PIAS2: variants seen among roughly 807,000 people sequenced by gnomAD.
The protein encoded by PIAS2 is E3 SUMO-protein ligase PIAS2.
Under a neutral mutation model 69.7 loss-of-function variants are expected in PIAS2, and 19 were observed. That is an observed-to-expected ratio of 0.27 (90% CI 0.19 to 0.40). The LOEUF is 0.40. Ranked by LOEUF, PIAS2 falls within the 10% of genes least tolerant of loss-of-function variation. The pLI is 1.00. For missense variants in PIAS2, 624 were observed against 757.0 expected (o/e 0.82, Z 2.06); for synonymous variants, 261 against 263.2 (o/e 0.99, Z 0.08).
Position 46,897,860 on chromosome 18 carries a change from G to A in PIAS2, c.25-6806C>T, listed in dbSNP as rs79595846. On this transcript the variant is annotated intron_variant, in intron 1 of 13. Transcript: ENST00000585916. ...ATTCTAAAAATTCTAGATAATACAA[G>A]GCAATATAATTTTTGGGTTTTTTTT... 3.7e-4 allele frequency among the ~76,000 whole-genome samples: 56 copies of A among 151,758 alleles called. No individual in the cohort carries two copies. In the East Asian group the frequency reaches 9.1e-3, roughly 25 times the overall value.
Position 46,844,098 on chromosome 18 carries a change from T to C in PIAS2, c.997A>G (p.Ser333Gly). The C allele has an allele frequency of 1.3e-6, 2 of 1,531,276 alleles. No individual in the cohort carries two copies. The highest frequency in any genetic ancestry group is 1.8e-6 in the Non-Finnish European group (2 of 1,139,522). The allele number at this position is 1,531,276 out of a possible 1,614,324, so 94.9% of individuals were successfully genotyped here. Residue 333 changes from serine (S) to glycine (G), a missense_variant, in exon 8 of 14, where the codon AGT (serine) becomes GGT (glycine). Ser to Gly is a moderately conservative substitution (Grantham distance 56, BLOSUM62 0). Around this residue, in one of 3 missense-constraint regions of PIAS2, gnomAD observed 339 missense variants for 408.8 expected, o/e 0.83. Coordinates refer to ENST00000585916, the MANE Select transcript of PIAS2 (RefSeq NM_004671.5). Reference sequence around the variant, plus strand: ...CGAAGGCTAGTTGTAGCAATTTCACTATCAGGATCTGCAGTAAGTTTTTCT... The same window carrying C: ...CGAAGGCTAGTTGTAGCAATTTCACCATCAGGATCTGCAGTAAGTTTTTCT... ...IKEKLTADPDSEIATTSLRVS... is the reference protein window; with the variant it reads ...IKEKLTADPDGEIATTSLRVS...
intron 1 of PIAS2, among the ~76,000 whole-genome samples, chr18:46,911,969 T>G (rs2057315082): frequency 6.6e-6 from 1 of 152,122 alleles, no homozygotes; most frequent in African/African-American, 2.4e-5. Context: ...GAGAATCGCT[T>G]GAACCCAGGA....
chr18:46,910,110 C>A (rs113187189), intron 1 of PIAS2, among the ~76,000 whole-genome samples: 1 of 151,982 alleles, frequency 6.6e-6, no homozygotes, highest in Non-Finnish European at 1.5e-5. Flanking sequence ...GAGTCAAGAT[C>A]GCGCCACTGC....
At chr18:46,914,197 A>C (rs1413081383) in intron 1 of PIAS2, among the ~76,000 whole-genome samples, 1 of 152,192 alleles carries the variant, frequency 6.6e-6, no homozygotes, top group African/African-American at 2.4e-5. Context: ...CATTATTGTA[A>C]CCATCTTTGA....
At chr18:46,857,272 A>G (rs141297906) in intron 3 of PIAS2, among the ~76,000 whole-genome samples, 1 of 152,354 alleles carries the variant, frequency 6.6e-6, no homozygotes, top group African/African-American at 2.4e-5. Flanking sequence ...TGGAGCTTCA[A>G]AGACAAATAC....
chr18:46,832,444 A>C (rs984830462), intron 9 of PIAS2, among the ~76,000 whole-genome samples: 30 of 151,942 alleles, frequency 2.0e-4, no homozygotes, highest in South Asian at 4.2e-4. Flanking sequence ...AACAAACAAA[A>C]AAAAGTGGGC....
chr18:46,917,575 G>C, upstream of PIAS2: 1 of 1,079,972 alleles, frequency 9.3e-7, no homozygotes, highest in Non-Finnish European at 1.1e-6. Flanking sequence ...CTGCCCACCC[G>C]CGCGACCGCC....
intron 1 of PIAS2, among the ~76,000 whole-genome samples, chr18:46,904,527 G>A (rs932243571): frequency 1.3e-5 from 2 of 152,120 alleles, no homozygotes; most frequent in African/African-American, 2.4e-5. Flanking sequence ...CAGGTGGGCA[G>A]ATCACCTGAG....
At chr18:46,898,753 G>C (rs188088551) in intron 1 of PIAS2, among the ~76,000 whole-genome samples, 8 of 152,212 alleles carry the variant, frequency 5.3e-5, no homozygotes, top group Admixed American at 2.0e-4. Context: ...CAACACTTTG[G>C]GGGGCTGAGG....
intron 2 of PIAS2, among the ~76,000 whole-genome samples, chr18:46,886,120 C>G (rs1015219066): frequency 7.9e-5 from 12 of 152,146 alleles, no homozygotes; most frequent in African/African-American, 2.9e-4. Flanking sequence ...TTAGTCCCCC[C>G]CAGTCTTCTG....
chr18:46,854,298 G>A (rs1453586984), intron 5 of PIAS2, among the ~76,000 whole-genome samples: 4 of 152,166 alleles, frequency 2.6e-5, no homozygotes, highest in African/African-American at 4.8e-5. Context: ...GCCCAGTCTC[G>A]TGTTCAGCAG....
chr18:46,818,892 AT>A (rs2041865178), intron 12 of PIAS2, among the ~76,000 whole-genome samples: 1 of 152,050 alleles, frequency 6.6e-6, no homozygotes, highest in Non-Finnish European at 1.5e-5. Flanking sequence ...CTTGAAACAC[AT>A]TTTTACCAAA....
chr18:46,898,886 T>C lies in PIAS2; in HGVS notation c.25-7832A>G, dbSNP rs142127031. On this transcript the variant is annotated intron_variant, in intron 1 of 13. Transcript: ENST00000585916. ...GGAGGGTGCCTGTAATCCCAGCTACTTGGGAGGCTGAGGCAGGAAAATTGC... is the reference window on the plus strand; with the variant it reads ...GGAGGGTGCCTGTAATCCCAGCTACCTGGGAGGCTGAGGCAGGAAAATTGC... Among the ~76,000 whole-genome samples the C allele has an allele frequency of 4.4e-3, 668 of 151,916 alleles. 4 individuals are homozygous for C. Among genetic ancestry groups the C allele is most frequent in the African/African-American group, 0.016 (652 of 41,436 alleles).
At chr18:46,813,311 T>C (rs1241812811) in intron 13 of PIAS2, among the ~76,000 whole-genome samples, 1 of 152,186 alleles carries the variant, frequency 6.6e-6, no homozygotes, top group Non-Finnish European at 1.5e-5. Context: ...CCTTTCCTAG[T>C]GCTCATATTT....
In PIAS2 at chr18:46,811,078, A is replaced by G. The variant is rs1055303324; in HGVS notation, c.*1355T>C. On this transcript the variant is annotated 3_prime_UTR_variant, in exon 14 of 14. Transcript: ENST00000585916. ...ATTTAAAATCAAACAAACACACTAT[A>G]GAAGAGAAATTTTCAAAGTGCACCC... The G allele has an allele frequency of 1.3e-5, 2 of 152,148 alleles. No individual in the cohort carries two copies. The highest frequency in any genetic ancestry group is 4.8e-5 in the African/African-American group (2 of 41,414). 9.4% of individuals were successfully genotyped at this position (152,148 alleles called of 1,614,324 possible).
chr18:46,897,093 T>C (rs2055009157), intron 1 of PIAS2, among the ~76,000 whole-genome samples: 1 of 152,174 alleles, frequency 6.6e-6, no homozygotes. Flanking sequence ...AAAAGTTTGC[T>C]TGAACAGGGG....
At chr18:46,840,497 A>G (rs1290350859) in intron 8 of PIAS2, among the ~76,000 whole-genome samples, 1 of 152,230 alleles carries the variant, frequency 6.6e-6, no homozygotes, top group African/African-American at 2.4e-5. Flanking sequence ...ACTGCTGTTT[A>G]GGGATTGTTT....
intron 1 of PIAS2, chr18:46,904,310 A>C (rs1448456627): frequency 6.6e-6 from 1 of 152,236 alleles, no homozygotes. Flanking sequence ...TAAAACTACA[A>C]GGAGTAAGAC....
At chr18:46,855,655 T>C (rs1421705747) in intron 3 of PIAS2, 40 bp from the exon 4 acceptor site, 4 of 1,491,424 alleles carry the variant, frequency 2.7e-6, no homozygotes, top group African/African-American at 2.8e-5. Context: ...AAAAGTACAA[T>C]GAGAATTCTC....
Sources: allele counts gnomAD v4.1 joint callset (sites outside exome capture counted in the v4.1 genomes callset), GRCh38; gene constraint gnomAD v4.1.1; regional missense constraint gnomAD v4.1.1; transcripts MANE v1.5; gene names NCBI Gene and HGNC (gene_info 2026-07-23, HGNC 2026-07-21).